CSE1L: variants seen among roughly 807,000 people sequenced by gnomAD.
CSE1L encodes the protein chromosome segregation 1 like.
A neutral mutation model predicts 120.4 loss-of-function variants in CSE1L; 24 were observed. The ratio of observed to expected loss-of-function variants is 0.20; its 90% CI spans 0.14 to 0.28. The LOEUF (loss-of-function observed/expected upper bound fraction) is 0.28. Ranked by LOEUF, CSE1L falls within the 10% of genes least tolerant of loss-of-function variation. The pLI, the probability that CSE1L is intolerant of heterozygous loss-of-function variation, is 1.00. For missense variants in CSE1L, 830 were observed against 1,145.2 expected, an observed-to-expected ratio of 0.72 and a Z score of 3.97; for synonymous variants, 402 against 398.3, an observed-to-expected ratio of 1.01 and a Z score of -0.11.
intron 24 of CSE1L, chr20:49,096,099 C>A (rs191925688): frequency 1.3e-3 from 862 of 650,154 alleles, no homozygotes; most frequent in Non-Finnish European, 2.0e-3. Flanking sequence ...CATCATTAAC[C>A]AGTAAGGACT....
Position 49,055,089 on chromosome 20 carries a change from T to C in CSE1L, c.-11-3364T>C, listed in dbSNP as rs943224252. ...GAATTTGGGATTTTTTTTGGATGCA[T>C]GTACTGTGGATTATACAACATCCCC... is the stretch of plus-strand genomic sequence containing the variant. On this transcript the variant is annotated intron_variant, in intron 1 of 24. Coordinates refer to ENST00000262982, the MANE Select transcript of CSE1L (RefSeq NM_001316.4). Among the ~76,000 whole-genome samples, 8 of 152,348 alleles carry C rather than the reference T, an allele frequency of 5.3e-5. No individual in the cohort carries two copies. In the Middle Eastern group the frequency reaches 0.01, roughly 194 times the overall value.
chr20:49,051,856 C>A lies in CSE1L; in HGVS notation c.-12+5433C>A, dbSNP rs535726637. 5.3e-5 allele frequency among the ~76,000 whole-genome samples: 8 copies of A among 152,306 alleles called. No homozygotes were observed. The South Asian group carries it at 1.7e-3, about 32-fold the overall frequency. On this transcript the variant is annotated intron_variant, in intron 1 of 24. Transcript: ENST00000262982. ...GAGACTACAAGTGCTCGCCACCATG[C>A]CTGGCTAATTTTTATTTATTGTAGA...
At chr20:49,082,190 T>C (rs2092018126) in intron 14 of CSE1L, among the ~76,000 whole-genome samples, 2 of 152,110 alleles carry the variant, frequency 1.3e-5, no homozygotes, top group South Asian at 2.1e-4. Context: ...GCAGAAATTA[T>C]TTAGTATGCT....
chr20:49,075,440 A>G lies in CSE1L; in HGVS notation c.1255A>G (p.Asn419Asp), dbSNP rs151168384. The change falls in exon 12 of 25, where the codon AAT (asparagine) becomes GAT (aspartate). Residue 419 changes from asparagine (N) to aspartate (D), a missense_variant. Asn to Asp is a conservative substitution (Grantham distance 23, BLOSUM62 1). Coordinates refer to ENST00000262982, the MANE Select transcript of CSE1L (RefSeq NM_001316.4). ...VNSMLQEYAK[N>D]PSVNWKHKDA... ...TTCCATGCTGCAGGAATACGCAAAA[A>G]ATCCATCTGTCAACTGGAAACACAA... 3 of 1,614,032 alleles carry G rather than the reference A, an allele frequency of 1.9e-6. No individual in the cohort carries two copies. Among genetic ancestry groups the G allele is most frequent in the African/African-American group, 2.7e-5 (2 of 74,906 alleles).
chr20:49,094,597 A>G, intron 23 of CSE1L, 135 bp from the exon 24 acceptor site: 1 of 668,360 alleles, frequency 1.5e-6, no homozygotes, highest in Non-Finnish European at 2.6e-6. Flanking sequence ...CAAGAAAAGA[A>G]CCATCTTAAT....
At chr20:49,051,228 C>T (rs1038176069) in intron 1 of CSE1L, among the ~76,000 whole-genome samples, 1 of 152,124 alleles carries the variant, frequency 6.6e-6, no homozygotes, top group Admixed American at 6.5e-5. Context: ...CAAGGCATCT[C>T]TGAAAAAAAG....
chr20:49,063,056 AATAG>A (rs1483566825), intron 2 of CSE1L, 142 bp from the exon 3 acceptor site: 1 of 313,260 alleles, frequency 3.2e-6, no homozygotes, highest in Middle Eastern at 1.0e-3. Flanking sequence ...TAATCCACTT[AATAG>A]ATAAGAAAAG....
At chr20:49,087,964 G>GT in intron 16 of CSE1L, 45 bp from the exon 17 acceptor site, 1 of 1,320,954 alleles carries the variant, frequency 7.6e-7, no homozygotes, top group Non-Finnish European at 1.1e-6. Flanking sequence ...TTATTCTGAA[G>GT]TTTAACTAAA....
At chr20:49,076,849 A>G in intron 12 of CSE1L, 131 bp from the exon 13 acceptor site, 1 of 581,900 alleles carries the variant, frequency 1.7e-6, no homozygotes, top group East Asian at 3.0e-5. Context: ...CTCATTTTAT[A>G]CATAAGCAAT....
intron 2 of CSE1L, among the ~76,000 whole-genome samples, chr20:49,061,298 G>A (rs6012593): frequency 0.36 from 52,899 of 146,290 alleles, 10,106 homozygotes; most frequent in African/African-American, 0.53. Context: ...TCAGCCTCCT[G>A]AGTAGCTGGG....
intron 22 of CSE1L, among the ~76,000 whole-genome samples, chr20:49,093,783 G>A (rs1486341750): frequency 6.6e-6 from 1 of 151,746 alleles, no homozygotes; most frequent in African/African-American, 2.4e-5. Context: ...CGGGCGTGGT[G>A]GTGGGCACCT....
At position 49,050,140 on chromosome 20, in the gene CSE1L, C is replaced by A. The variant is rs1331889692; in HGVS notation, c.-12+3717C>A. Among the ~76,000 whole-genome samples, 3 of 151,852 alleles carry A rather than the reference C, an allele frequency of 2.0e-5. 1 individual carries two copies. In the East Asian group the frequency reaches 5.8e-4, roughly 29 times the overall value. On this transcript the variant is annotated intron_variant, in intron 1 of 24. Coordinates refer to ENST00000262982, the MANE Select transcript of CSE1L (RefSeq NM_001316.4). ...TTTTTTAAACTTAAAAATAGTCCTA[C>A]CCTAGCATCTCAACTTAATCATTTT...
At chr20:49,079,627 A>G (rs1296146802) in intron 14 of CSE1L, among the ~76,000 whole-genome samples, 1 of 152,084 alleles carries the variant, frequency 6.6e-6, no homozygotes, top group African/African-American at 2.4e-5. Context: ...ATCTCTCAGT[A>G]TTCAAGGGGT....
intron 10 of CSE1L, 43 bp downstream of exon 10, chr20:49,072,740 G>T: frequency 1.3e-6 from 2 of 1,530,884 alleles, no homozygotes; most frequent in Non-Finnish European, 1.8e-6. Flanking sequence ...TACTAAGTCT[G>T]TGTTTGTTTT....
intron 16 of CSE1L, 116 bp downstream of exon 16, chr20:49,085,502 TAGTA>T: frequency 1.8e-6 from 1 of 556,204 alleles, no homozygotes; most frequent in Non-Finnish European, 3.1e-6. Flanking sequence ...GTTTACCAAG[TAGTA>T]AGTTAGTTTA....
chr20:49,075,271 GGT>G (rs777501447), intron 11 of CSE1L, 45 bp from the exon 12 acceptor site: 464 of 1,413,220 alleles, frequency 3.3e-4, no homozygotes, highest in Admixed American at 1.1e-3. Flanking sequence ...TCAGCTTGTT[GGT>G]GGTTGTTTTT....
chr20:49,059,961 G>C (rs1311637774), intron 2 of CSE1L, among the ~76,000 whole-genome samples: 1 of 152,080 alleles, frequency 6.6e-6, no homozygotes, highest in East Asian at 1.9e-4. Flanking sequence ...AAGGCAGGAA[G>C]ATCCCTTGAG....
intron 2 of CSE1L, among the ~76,000 whole-genome samples, chr20:49,062,344 A>G (rs1321444766): frequency 6.6e-6 from 1 of 152,208 alleles, no homozygotes; most frequent in East Asian, 1.9e-4. Flanking sequence ...ATGATACATG[A>G]AATTAATTTT....
In CSE1L at chr20:49,063,218, A is replaced by G. The variant is rs369371888; in HGVS notation, c.102A>G (p.Glu34=). 8.9e-6 allele frequency: 14 copies of G among 1,578,322 alleles called. No individual in the cohort carries two copies. Among genetic ancestry groups the G allele is most frequent in the Admixed American group, 2.0e-5 (1 of 49,938 alleles). Residue 34 remains glutamate, a synonymous_variant, in exon 3 of 25, where the codon GAA becomes GAG. Transcript: ENST00000262982. ...AIRRPAEKFL[E]SVEGNQNYPL... ...CTTTTACAGCTGAGAAATTTCTTGA[A>G]TCTGTTGAAGGAAATCAGAATTATC...
Sources: gnomAD v4.1 joint callset for allele counts (sites outside exome capture counted in the v4.1 genomes callset) on GRCh38, gnomAD v4.1.1 for gene constraint, MANE v1.5 for transcripts, NCBI Gene and HGNC (gene_info 2026-07-23, HGNC 2026-07-21) for gene names.